The following ADARB2 variants were observed in gnomAD, a reference collection of about 807,000 sequenced individuals.
ADARB2 encodes adenosine deaminase RNA specific B2 (inactive).
Under a neutral mutation model 62.2 loss-of-function variants are expected in ADARB2, and 25 were observed. The ratio of observed to expected loss-of-function variants is 0.40; its 90% CI spans 0.29 to 0.56. The LOEUF (loss-of-function observed/expected upper bound fraction) is 0.56. ADARB2 is among the 20% of genes least tolerant of loss of function. The pLI, the probability that ADARB2 is intolerant of heterozygous loss-of-function variation, is 0.43. For synonymous variants in ADARB2, 572 were observed against 500.8 expected (o/e 1.14, Z -1.90); for missense variants, 1,071 against 1,077.4 (o/e 0.99, Z 0.08).
intron 1 of ADARB2, among the ~76,000 whole-genome samples, chr10:1,465,973 T>C (rs1407320401): frequency 6.6e-6 from 1 of 152,256 alleles, no homozygotes; most frequent in Non-Finnish European, 1.5e-5. Context: ...TCTCTTTAAA[T>C]TCTTAACTGC....
At chr10:1,374,241 G>A (rs1832402202) in intron 2 of ADARB2, among the ~76,000 whole-genome samples, 1 of 152,176 alleles carries the variant, frequency 6.6e-6, no homozygotes, top group Admixed American at 6.5e-5. Context: ...TGGAACTATT[G>A]ATAAATACCA....
rs558146198 is a variant in ADARB2 at position 1,568,109 on chromosome 10, C to T, written c.100+168942G>A. ...AATCATCTCAGTGACCAGTGAGAGA[C>T]GGCGCAGTGCAAACCACCCGGGGAA... is the stretch of plus-strand genomic sequence containing the variant. On this transcript the variant is annotated intron_variant, in intron 1 of 9. Coordinates refer to ENST00000381312, the MANE Select transcript of ADARB2 (RefSeq NM_018702.4). 4.8e-4 allele frequency among the ~76,000 whole-genome samples: 73 copies of T among 152,362 alleles called. 1 individual carries two copies. In the South Asian group the frequency reaches 6.6e-3, roughly 14 times the overall value.
At chr10:1,496,375 C>T (rs1831691858) in intron 1 of ADARB2, among the ~76,000 whole-genome samples, 1 of 151,834 alleles carries the variant, frequency 6.6e-6, no homozygotes, top group Non-Finnish European at 1.5e-5. Context: ...CCACCATCAT[C>T]GTCATCATCA....
intron 1 of ADARB2, among the ~76,000 whole-genome samples, chr10:1,392,629 C>T (rs1484104832): frequency 4.6e-5 from 7 of 152,134 alleles, no homozygotes; most frequent in African/African-American, 7.2e-5. Flanking sequence ...GGTTTTACAA[C>T]GCCATCTCCA....
intron 1 of ADARB2, among the ~76,000 whole-genome samples, chr10:1,429,517 A>G (rs1335917844): frequency 6.6e-6 from 1 of 152,192 alleles, no homozygotes; most frequent in Non-Finnish European, 1.5e-5. Flanking sequence ...CCCAACCCAC[A>G]TGGATGCTGC....
At chr10:1,430,085 C>T (rs1003972064) in intron 1 of ADARB2, among the ~76,000 whole-genome samples, 3 of 152,062 alleles carry the variant, frequency 2.0e-5, no homozygotes, top group African/African-American at 7.2e-5. Flanking sequence ...ATACTTACGA[C>T]AATTGGATTT....
At chr10:1,469,411 A>G (rs1036584666) in intron 1 of ADARB2, among the ~76,000 whole-genome samples, 10 of 152,230 alleles carry the variant, frequency 6.6e-5, no homozygotes, top group Admixed American at 5.2e-4. Context: ...TGTACTGAAA[A>G]AGTGAAAAAA....
intron 3 of ADARB2, among the ~76,000 whole-genome samples, chr10:1,295,055 T>C (rs1459140683): frequency 6.6e-6 from 1 of 152,196 alleles, no homozygotes; most frequent in East Asian, 1.9e-4. Context: ...TGGTGAAACA[T>C]GTTGAATATC....
At chr10:1,708,071 A>T (rs368616934) in intron 1 of ADARB2, among the ~76,000 whole-genome samples, 231 of 152,338 alleles carry the variant, frequency 1.5e-3, no homozygotes, top group African/African-American at 4.8e-3. Context: ...AATGACAGGT[A>T]TGCAATGCTG....
intron 1 of ADARB2, among the ~76,000 whole-genome samples, chr10:1,402,640 T>A (rs1309359337): frequency 6.6e-6 from 1 of 152,182 alleles, no homozygotes; most frequent in Middle Eastern, 3.2e-3. Flanking sequence ...AGAGTCATCC[T>A]GCCTTCCTCG....
chr10:1,737,377 G>C lies in ADARB2; in HGVS notation c.-227C>G, dbSNP rs1169919416. On this transcript the variant is annotated 5_prime_UTR_variant, in exon 1 of 10. Transcript: ENST00000381312. The stretch of plus-strand genomic sequence containing the variant: ...GGGGCCTCGGCTGGGCGCCTGGAGC[G>C]AGCTGCTCCCTGGTCAGGGAGGGCG... The C allele has an allele frequency of 1.9e-6, 1 of 523,878 alleles. No homozygotes were observed. The highest frequency in any genetic ancestry group is 3.4e-6 in the Non-Finnish European group (1 of 293,228). The allele number at this position is 523,878 out of a possible 1,614,324, so 32.5% of individuals were successfully genotyped here. A position where few individuals can be genotyped will look rare whatever the true frequency, so the allele number is the denominator to read the frequency against.
rs150992271 is a variant in ADARB2, at chr10:1,511,689, C to T, written c.101-132529G>A. ...ATGGTGTCTACACTGGACACCAAGA[C>T]GTCGATACTGTCCACACTAGATACC... On this transcript the variant is annotated intron_variant, in intron 1 of 9. Transcript: ENST00000381312. Among the ~76,000 whole-genome samples the T allele has an allele frequency of 2.2e-4, 33 of 151,566 alleles. No individual in the cohort carries two copies. In the East Asian group the frequency reaches 2.3e-3, roughly 11 times the overall value.
At chr10:1,276,779 C>T (rs948792616) in intron 3 of ADARB2, among the ~76,000 whole-genome samples, 10 of 152,270 alleles carry the variant, frequency 6.6e-5, no homozygotes, top group African/African-American at 2.2e-4. Context: ...ACAGAACTCT[C>T]CACCCCAAAT....
At chr10:1,733,181 G>GT (rs1326668167) in intron 1 of ADARB2, among the ~76,000 whole-genome samples, 1 of 152,190 alleles carries the variant, frequency 6.6e-6, no homozygotes, top group Non-Finnish European at 1.5e-5. Context: ...TCCACTCTGT[G>GT]AAGATTGACA....
At chr10:1,500,034 G>A (rs181480696) in intron 1 of ADARB2, among the ~76,000 whole-genome samples, 12 of 152,338 alleles carry the variant, frequency 7.9e-5, no homozygotes, top group African/African-American at 2.9e-4. Flanking sequence ...CATATGAACT[G>A]CACAACGTAT....
chr10:1,429,205 A>C (rs1328852775), intron 1 of ADARB2, among the ~76,000 whole-genome samples: 2 of 152,236 alleles, frequency 1.3e-5, no homozygotes, highest in East Asian at 3.9e-4. Flanking sequence ...CCATAAACTT[A>C]AAAGTCTAAT....
chr10:1,339,146 C>T (rs1832000133), intron 3 of ADARB2, among the ~76,000 whole-genome samples: 3 of 152,198 alleles, frequency 2.0e-5, no homozygotes, highest in South Asian at 2.1e-4. Flanking sequence ...TGTGCTGAGC[C>T]GAGATGTCTT....
chr10:1,591,675 A>ACACACACACG (rs754417793), intron 1 of ADARB2, among the ~76,000 whole-genome samples: 1 of 151,568 alleles, frequency 6.6e-6, no homozygotes, highest in African/African-American at 2.4e-5. Context: ...ACACACACAC[A>ACACACACACG]CACGCACACA....
chr10:1,255,431 C>T lies in ADARB2; in HGVS notation c.1193-13132G>A, dbSNP rs2131786072. Among the ~76,000 whole-genome samples, 1 of 152,372 alleles carries T rather than the reference C, an allele frequency of 6.6e-6. No homozygotes were observed. Among genetic ancestry groups the T allele is most frequent in the South Asian group, 2.1e-4 (1 of 4,832 alleles). On this transcript the variant is annotated intron_variant, in intron 4 of 9. Coordinates refer to ENST00000381312, the MANE Select transcript of ADARB2 (RefSeq NM_018702.4). The surrounding 1 kb of genome is among the most constrained non-coding windows in gnomAD (Gnocchi z 4.7). ...CTAATCAAACATGCTGCTCACTCCA[C>T]ATAACATACAACACGACAAAGGCAT...
Sources: allele counts gnomAD v4.1 joint callset (sites outside exome capture counted in the v4.1 genomes callset), GRCh38; gene constraint gnomAD v4.1.1; non-coding constraint Gnocchi (gnomAD v3.1); transcripts MANE v1.5; gene names NCBI Gene and HGNC (gene_info 2026-07-23, HGNC 2026-07-21).